NTM: variants seen among roughly 807,000 people sequenced by gnomAD.
NTM encodes IgLON family member 2.
A neutral mutation model predicts 42.1 loss-of-function variants in NTM; 13 were observed. The ratio of observed to expected loss-of-function variants is 0.31; its 90% confidence interval spans 0.20 to 0.49. NTM has a LOEUF of 0.49. Among genes scored for constraint, NTM ranks in the 20% least tolerant of loss-of-function variants. NTM has a pLI of 0.99. For missense variants in NTM, 373 were observed against 452.8 expected (o/e 0.82, Z 1.60); for synonymous variants, 187 against 179.2 (o/e 1.04, Z -0.35).
intron 1 of NTM, among the ~76,000 whole-genome samples, chr11:131,617,608 A>G (rs573375418): frequency 6.6e-6 from 1 of 152,278 alleles, no homozygotes; most frequent in Admixed American, 6.5e-5. Flanking sequence ...GATTTAATTT[A>G]AAGGAGATTC....
intron 1 of NTM, among the ~76,000 whole-genome samples, chr11:131,679,045 C>T (rs1733875315): frequency 6.6e-6 from 1 of 152,202 alleles, no homozygotes; most frequent in South Asian, 2.1e-4. Flanking sequence ...TCACAGAGAG[C>T]AGCTGCTGCC....
intron 1 of NTM, among the ~76,000 whole-genome samples, chr11:131,604,349 G>T (rs1417879959): frequency 6.6e-6 from 1 of 152,086 alleles, no homozygotes; most frequent in African/African-American, 2.4e-5. Flanking sequence ...GGACTATTCA[G>T]ATCCTGTGAC....
At chr11:132,168,771 C>T (rs955160552) in intron 3 of NTM, among the ~76,000 whole-genome samples, 2 of 152,152 alleles carry the variant, frequency 1.3e-5, no homozygotes, top group Admixed American at 1.3e-4. Flanking sequence ...TTTAAGTCAA[C>T]TTAGGGCCAG....
At chr11:132,139,913 C>G (rs1374288269) in intron 2 of NTM, among the ~76,000 whole-genome samples, 1 of 152,274 alleles carries the variant, frequency 6.6e-6, no homozygotes, top group Non-Finnish European at 1.5e-5. Flanking sequence ...AAGACATGAT[C>G]CTTGCTTTTC....
chr11:131,910,886 G>T, intron 1 of NTM: 2 of 985,520 alleles, frequency 2.0e-6, no homozygotes, highest in Non-Finnish European at 2.4e-6. Flanking sequence ...CCCGGGCCCG[G>T]ATCGCACGAA....
rs575862941 is a variant in NTM at position 132,329,996 on chromosome 11, G to T, written c.935-157G>T. 18 of 759,464 alleles carry T rather than the reference G, an allele frequency of 2.4e-5. No individual in the cohort carries two copies. The South Asian group carries it at 3.5e-4, about 15-fold the overall frequency. 47.0% of individuals were successfully genotyped at this position (759,464 alleles called of 1,614,324 possible). On this transcript the variant is annotated intron_variant, in intron 7 of 8. Transcript: ENST00000683400. ...AACCAGAGGGGGGTCACATAGGAGGGCTGGGCAGTGGTCAGGACAGCAAGG... is the reference window on the plus strand; with the variant it reads ...AACCAGAGGGGGGTCACATAGGAGGTCTGGGCAGTGGTCAGGACAGCAAGG...
intron 1 of NTM, among the ~76,000 whole-genome samples, chr11:131,553,393 A>G (rs778254327): frequency 6.6e-6 from 1 of 152,190 alleles, no homozygotes; most frequent in Non-Finnish European, 1.5e-5. Flanking sequence ...TGTGCTGGTC[A>G]TGACTTACCA....
At chr11:131,464,364 G>GA (rs1410751268) in intron 1 of NTM, among the ~76,000 whole-genome samples, 4 of 152,092 alleles carry the variant, frequency 2.6e-5, no homozygotes, top group African/African-American at 9.7e-5. Flanking sequence ...AAAGCTGGGG[G>GA]GGGGGCAGCA....
intron 1 of NTM, among the ~76,000 whole-genome samples, chr11:131,755,422 C>G (rs1319944225): frequency 1.3e-5 from 2 of 152,004 alleles, no homozygotes; most frequent in South Asian, 2.1e-4. Context: ...AGCTTGGGCT[C>G]AAGACATTAA....
At chr11:132,234,567 T>C (rs1168642057) in intron 4 of NTM, among the ~76,000 whole-genome samples, 3 of 152,208 alleles carry the variant, frequency 2.0e-5, no homozygotes, top group South Asian at 4.1e-4. Context: ...ATTTACTACA[T>C]TTCTTTTGAA....
chr11:131,439,072 G>A (rs1007927539), intron 1 of NTM, among the ~76,000 whole-genome samples: 6 of 152,194 alleles, frequency 3.9e-5, no homozygotes, highest in African/African-American at 1.4e-4. Context: ...GGAGTTTGCT[G>A]GAGGTCCACT....
chr11:131,741,125 A>G (rs2081126963), intron 1 of NTM, among the ~76,000 whole-genome samples: 1 of 150,934 alleles, frequency 6.6e-6, no homozygotes, highest in African/African-American at 2.4e-5. Flanking sequence ...AGATTGCACC[A>G]CTGCACTCCA....
At chr11:132,198,050 T>A (rs980296799) in intron 3 of NTM, among the ~76,000 whole-genome samples, 3 of 152,130 alleles carry the variant, frequency 2.0e-5, no homozygotes, top group African/African-American at 7.2e-5. Flanking sequence ...TATTTCTAGT[T>A]CTAGATCCCT....
chr11:132,113,901 C>T (rs2136802467), intron 2 of NTM, among the ~76,000 whole-genome samples: 1 of 152,284 alleles, frequency 6.6e-6, no homozygotes, highest in South Asian at 2.1e-4. Flanking sequence ...CTTTCAGCCC[C>T]ACTGATGGCT....
chr11:132,087,171 C>A (rs532851658), intron 2 of NTM, among the ~76,000 whole-genome samples: 14 of 152,286 alleles, frequency 9.2e-5, no homozygotes, highest in African/African-American at 2.4e-4. Flanking sequence ...GTCCCAGTGA[C>A]CTTGATAGGG....
intron 2 of NTM, among the ~76,000 whole-genome samples, chr11:131,977,800 A>G (rs1401627364): frequency 6.6e-6 from 1 of 152,224 alleles, no homozygotes; most frequent in Non-Finnish European, 1.5e-5. Flanking sequence ...AAAGGAAAAA[A>G]AAGGGAAACA....
chr11:131,897,261 A>G (rs766247581), intron 1 of NTM, among the ~76,000 whole-genome samples: 1 of 152,186 alleles, frequency 6.6e-6, no homozygotes, highest in Non-Finnish European at 1.5e-5. Context: ...GGATTTAATT[A>G]AAAGAGTAGA....
chr11:131,912,202 G>T (rs73587559), intron 2 of NTM, among the ~76,000 whole-genome samples: 2,582 of 152,282 alleles, frequency 0.017, 67 homozygotes, highest in African/African-American at 0.059. Flanking sequence ...GGCAGACAGA[G>T]ATGCTTTCTC....
intron 1 of NTM, among the ~76,000 whole-genome samples, chr11:131,753,490 C>G (rs1393625540): frequency 3.3e-5 from 5 of 152,096 alleles, no homozygotes; most frequent in South Asian, 2.1e-4. Flanking sequence ...TTGGAACCAA[C>G]CCAAATGTCC....
Sources: allele counts gnomAD v4.1 joint callset (sites outside exome capture counted in the v4.1 genomes callset), GRCh38; gene constraint gnomAD v4.1.1; transcripts MANE v1.5; gene names NCBI Gene and HGNC (gene_info 2026-07-23, HGNC 2026-07-21).